Variants in MLKL observed in about 807,000 individuals in gnomAD.
The protein encoded by MLKL is mixed lineage kinase domain-like protein.
MLKL carries 55 observed loss-of-function variants against 56.5 expected under a neutral mutation model. That is an observed-to-expected ratio of 0.97 (90% confidence interval 0.78 to 1.22). The LOEUF (loss-of-function observed/expected upper bound fraction) is 1.22, where lower values mean the gene tolerates loss of function less well. Ranked by LOEUF, MLKL falls within the 50% of genes most tolerant of loss-of-function variation. The pLI, the probability that MLKL is intolerant of heterozygous loss-of-function variation, is 0.00. For synonymous variants in MLKL, 251 were observed against 208.3 expected (o/e 1.20, Z -1.76); for missense variants, 694 against 573.9 (o/e 1.21, Z -2.14).
chr16:74,684,018 G>C (rs1422617656), intron 5 of MLKL, among the ~76,000 whole-genome samples: 4 of 151,982 alleles, frequency 2.6e-5, no homozygotes, highest in African/African-American at 9.7e-5. Flanking sequence ...CATGATATTG[G>C]CTCACTGCAA....
At chr16:74,694,522 T>C (rs910166543) in intron 2 of MLKL, among the ~76,000 whole-genome samples, 1 of 151,848 alleles carries the variant, frequency 6.6e-6, no homozygotes, top group African/African-American at 2.4e-5. Flanking sequence ...CCCAGCACTT[T>C]GGGAGGCTGA....
At chr16:74,693,465 AAAAG>A (rs1227370673) in intron 2 of MLKL, among the ~76,000 whole-genome samples, 20 of 96,504 alleles carry the variant, frequency 2.1e-4, no homozygotes, top group Middle Eastern at 4.9e-3. Flanking sequence ...AAAAAAAAAA[AAAAG>A]AAAAGAAAAA....
intron 4 of MLKL, 85 bp from the exon 5 acceptor site, chr16:74,685,668 T>G (rs1960281740): frequency 9.5e-7 from 1 of 1,047,126 alleles, no homozygotes; most frequent in East Asian, 2.5e-5. Flanking sequence ...TCTGTGTATG[T>G]GGGGGCGGGG....
chr16:74,675,253 T>A (rs562612434), intron 9 of MLKL, 102 bp downstream of exon 9: 1 of 1,584,156 alleles, frequency 6.3e-7, no homozygotes, highest in East Asian at 2.2e-5. Flanking sequence ...AGTTCCCACA[T>A]TAAACAACAA....
At chr16:74,685,670 G>T (rs765165604) in intron 4 of MLKL, 87 bp from the exon 5 acceptor site, 57 of 1,012,732 alleles carry the variant, frequency 5.6e-5, no homozygotes, top group Non-Finnish European at 8.7e-5. Context: ...TGTGTATGTG[G>T]GGGCGGGGGT....
chr16:74,673,936 A>C (rs1245938485), intron 10 of MLKL, among the ~76,000 whole-genome samples: 1 of 137,370 alleles, frequency 7.3e-6, no homozygotes, highest in Non-Finnish European at 1.6e-5. Context: ...TGGGCAACAT[A>C]ATGAGACCTC....
chr16:74,683,879 T>C lies in MLKL; in HGVS notation c.821-1093A>G, dbSNP rs1156536997. 2.6e-5 allele frequency among the ~76,000 whole-genome samples: 4 copies of C among 152,152 alleles called. No homozygotes were observed. In the East Asian group the frequency reaches 7.7e-4, roughly 29 times the overall value. ...ATGGGCCTGAGCTGCAAAACTGACATGTGACTGAGCCAGGCACCTCAGCGG... is the reference window on the plus strand; with the variant it reads ...ATGGGCCTGAGCTGCAAAACTGACACGTGACTGAGCCAGGCACCTCAGCGG... On this transcript the variant is annotated intron_variant, in intron 5 of 10. Transcript: ENST00000308807.
intron 5 of MLKL, among the ~76,000 whole-genome samples, 185 bp downstream of exon 5, chr16:74,685,301 T>C (rs1411890300): frequency 6.6e-6 from 1 of 152,028 alleles, no homozygotes. Flanking sequence ...CCTTCAGCCC[T>C]GCCCTCCTGA....
At chr16:74,692,506 A>G (rs1960736039) in intron 2 of MLKL, 90 bp from the exon 3 acceptor site, 3 of 1,023,136 alleles carry the variant, frequency 2.9e-6, no homozygotes, top group Non-Finnish European at 4.3e-6. Flanking sequence ...CTGTTGAGAT[A>G]TCATTTTTTA....
At chr16:74,692,621 T>A (rs1389818912) in intron 2 of MLKL, among the ~76,000 whole-genome samples, 1 of 152,224 alleles carries the variant, frequency 6.6e-6, no homozygotes, top group Non-Finnish European at 1.5e-5. Context: ...GTAACTTGCT[T>A]TGGCTAAGAA....
At chr16:74,674,367 G>A (rs775974360) in intron 10 of MLKL, among the ~76,000 whole-genome samples, 67 of 151,914 alleles carry the variant, frequency 4.4e-4, no homozygotes, top group Non-Finnish European at 5.7e-4. Flanking sequence ...TGGCCAGGGT[G>A]GTCTCAAACT....
chr16:74,688,976 T>C (rs114230020), intron 4 of MLKL, among the ~76,000 whole-genome samples: 1,989 of 152,218 alleles, frequency 0.013, 40 homozygotes, highest in African/African-American at 0.045. Flanking sequence ...TCCATTTACA[T>C]TGAAGATTCA....
chr16:74,687,360 T>A (rs1288780301), intron 4 of MLKL, among the ~76,000 whole-genome samples: 1 of 152,140 alleles, frequency 6.6e-6, no homozygotes, highest in Non-Finnish European at 1.5e-5. Flanking sequence ...TGGTAACATT[T>A]TCCAAATTGA....
Position 74,695,407 on chromosome 16 carries a change from C to T in MLKL, c.351G>A (p.Gln117=), listed in dbSNP as rs756471541. 1 of 1,614,126 alleles carries T rather than the reference C, an allele frequency of 6.2e-7. No individual in the cohort carries two copies. Among genetic ancestry groups the T allele is most frequent in the Non-Finnish European group, 8.5e-7 (1 of 1,180,058 alleles). ...GTGAAACAGGCATGCGTTGCTCAAC[C>T]TGAAGTAACAGCGAGAGCTCCTTCC... is the stretch of plus-strand genomic sequence containing the variant. The part of the protein sequence containing the change: ...DVWKELSLLL[Q]VEQRMPVSPI... Residue 117 remains glutamine (Q), a synonymous_variant, in exon 2 of 11, where the codon CAG becomes CAA. Coordinates refer to ENST00000308807, the MANE Select transcript of MLKL (RefSeq NM_152649.4).
At chr16:74,674,864 T>C (rs1959484830) in intron 10 of MLKL, 96 bp downstream of exon 10, 6 of 1,463,360 alleles carry the variant, frequency 4.1e-6, no homozygotes, top group South Asian at 1.3e-5. Flanking sequence ...CCACCCCTCG[T>C]TGTAAACTAC....
At chr16:74,700,141 T>G (rs548798772) in intron 1 of MLKL, among the ~76,000 whole-genome samples, 1 of 152,234 alleles carries the variant, frequency 6.6e-6, no homozygotes, top group East Asian at 1.9e-4. Flanking sequence ...TCTCTCTCAC[T>G]CTGTCTCTCT....
chr16:74,684,116 T>G lies in MLKL; in HGVS notation c.821-1330A>C, dbSNP rs561353974. Reference sequence around the variant, plus strand: ...GCACCCACCACCACGCCCAGTTAATTTTTATATTTTTAGTAGAGACAGGGT... The same window carrying G: ...GCACCCACCACCACGCCCAGTTAATGTTTATATTTTTAGTAGAGACAGGGT... On this transcript the variant is annotated intron_variant, in intron 5 of 10. Coordinates refer to ENST00000308807, the MANE Select transcript of MLKL (RefSeq NM_152649.4). 3.3e-5 allele frequency among the ~76,000 whole-genome samples: 5 copies of G among 151,732 alleles called. No homozygotes were observed. In the East Asian group the frequency reaches 7.8e-4, roughly 24 times the overall value.
At chr16:74,697,692 AC>A (rs1961128263) in intron 1 of MLKL, among the ~76,000 whole-genome samples, 1 of 151,888 alleles carries the variant, frequency 6.6e-6, no homozygotes, top group African/African-American at 2.4e-5. Flanking sequence ...ATTAGCTGGG[AC>A]CTGTAGTCCC....
chr16:74,681,875 C>A (rs1959995149), intron 6 of MLKL, among the ~76,000 whole-genome samples: 1 of 152,052 alleles, frequency 6.6e-6, no homozygotes, highest in African/African-American at 2.4e-5. Flanking sequence ...TATATAGATT[C>A]ACGTACACGC....
Sources: allele counts gnomAD v4.1 joint callset (sites outside exome capture counted in the v4.1 genomes callset), GRCh38; gene constraint gnomAD v4.1.1; transcripts MANE v1.5; gene names NCBI Gene and HGNC (gene_info 2026-07-23, HGNC 2026-07-21).